ZNF148: variants seen among roughly 807,000 people sequenced by gnomAD.
ZNF148 encodes Beta-Enolase Repressor Factor-1.
Under a neutral mutation model 67.7 loss-of-function variants are expected in ZNF148, and 7 were observed. The observed-to-expected ratio is 0.10, with a 90% CI of 0.06 to 0.19. The LOEUF is 0.19. ZNF148 is among the 10% of genes least tolerant of loss of function. ZNF148 has a pLI of 1.00. For synonymous variants in ZNF148, 333 were observed against 330.7 expected (o/e 1.01, Z -0.08); for missense variants, 583 against 947.1 (o/e 0.62, Z 5.05).
At chr3:125,287,880 G>A (rs1938783128) in intron 5 of ZNF148, among the ~76,000 whole-genome samples, 2 of 152,062 alleles carry the variant, frequency 1.3e-5, no homozygotes, top group Admixed American at 1.3e-4. Flanking sequence ...ATAGAGATAT[G>A]GAAAAAGAAA....
Position 125,269,781 on chromosome 3 carries a change from G to A in ZNF148, c.667+7945C>T, listed in dbSNP as rs367623757. On this transcript the variant is annotated intron_variant, in intron 7 of 8. Transcript: ENST00000360647. ...ATGGAATACTACACAGCCACAAAAA[G>A]AGCAAAATCATGTCTTTTGCAGAAA... Among the ~76,000 whole-genome samples, 64 of 152,250 alleles carry A rather than the reference G, an allele frequency of 4.2e-4. No individual in the cohort carries two copies. The South Asian group carries it at 0.011, about 27-fold the overall frequency.
chr3:125,248,337 C>G lies in ZNF148; in HGVS notation c.668-14008G>C, dbSNP rs190619148. Among the ~76,000 whole-genome samples, 5 of 152,270 alleles carry G rather than the reference C, an allele frequency of 3.3e-5. No individual in the cohort carries two copies. The East Asian group carries it at 9.6e-4, about 29-fold the overall frequency. On this transcript the variant is annotated intron_variant, in intron 7 of 8. Coordinates refer to ENST00000360647, the MANE Select transcript of ZNF148 (RefSeq NM_021964.3). ...AAGCCCCCCAATTTCCAGCTACCTCCTGAAAACAAGTGCCCTATAATAAGA... is the reference window on the plus strand; with the variant it reads ...AAGCCCCCCAATTTCCAGCTACCTCGTGAAAACAAGTGCCCTATAATAAGA...
chr3:125,337,449 T>C (rs773634721), intron 1 of ZNF148, among the ~76,000 whole-genome samples: 1 of 152,188 alleles, frequency 6.6e-6, no homozygotes. Context: ...ATAATGTAAA[T>C]GAGTTTTTAA....
intron 7 of ZNF148, among the ~76,000 whole-genome samples, chr3:125,260,594 G>A (rs1937292546): frequency 6.6e-6 from 1 of 152,192 alleles, no homozygotes; most frequent in Non-Finnish European, 1.5e-5. Context: ...ATCAGTGTTT[G>A]TCATGGGGTG....
At position 125,226,815 on chromosome 3, in the gene ZNF148, T is replaced by C. The variant is rs1273938832; in HGVS notation, c.*5526A>G. 3 of 152,330 alleles carry C rather than the reference T, an allele frequency of 2.0e-5. No homozygotes were observed. In the East Asian group the frequency reaches 5.8e-4, roughly 29 times the overall value. The allele number at this position is 152,330 out of a possible 1,614,324, so 9.4% of individuals were successfully genotyped here. On this transcript the variant is annotated 3_prime_UTR_variant, in exon 9 of 9. Coordinates refer to ENST00000360647, the MANE Select transcript of ZNF148 (RefSeq NM_021964.3). ...AATATATCGACTTACCAAATTTCAA[T>C]TGTCAGGCTGCTGACTACTGATGTA...
intron 7 of ZNF148, among the ~76,000 whole-genome samples, chr3:125,238,327 T>C (rs1326873524): frequency 2.0e-5 from 3 of 151,990 alleles, no homozygotes; most frequent in Non-Finnish European, 4.4e-5. Context: ...AAGGACACTA[T>C]CAAAAAAATG....
At chr3:125,263,349 G>A (rs573846456) in intron 7 of ZNF148, among the ~76,000 whole-genome samples, 29 of 152,264 alleles carry the variant, frequency 1.9e-4, no homozygotes, top group Admixed American at 1.5e-3. Flanking sequence ...TGAGGAGTTC[G>A]AGACCAGCCT....
chr3:125,370,977 T>TAG (rs1438384055), intron 1 of ZNF148, among the ~76,000 whole-genome samples: 1 of 152,124 alleles, frequency 6.6e-6, no homozygotes, highest in Non-Finnish European at 1.5e-5. Context: ...ATCCTCCTCT[T>TAG]ACCACATTTC....
intron 7 of ZNF148, among the ~76,000 whole-genome samples, chr3:125,239,032 CTTATATGCG>C (rs1348498804): frequency 5.3e-5 from 8 of 152,126 alleles, no homozygotes. Context: ...AATGATTCTG[CTTATATGCG>C]GTATCTAGAA....
intron 5 of ZNF148, among the ~76,000 whole-genome samples, chr3:125,284,980 A>C (rs1424386188): frequency 6.6e-6 from 1 of 152,160 alleles, no homozygotes; most frequent in African/African-American, 2.4e-5. Flanking sequence ...ATTGCTTAAA[A>C]TCCATGGCAG....
In ZNF148 at chr3:125,232,140, G is replaced by A. The variant is rs568714439; in HGVS notation, c.*201C>T. On this transcript the variant is annotated 3_prime_UTR_variant, in exon 9 of 9. Coordinates refer to ENST00000360647, the MANE Select transcript of ZNF148 (RefSeq NM_021964.3). This position sits in a 1 kb window ranked among gnomAD's most constrained non-coding sequence, Gnocchi z 4.2. ...CAAGTAATGCATTGCTTCTATAAAG[G>A]TGACAACATGTAAGGCAGTTCAAAG... The A allele has an allele frequency of 1.8e-6, 1 of 543,932 alleles. No homozygotes were observed. The highest frequency in any genetic ancestry group is 3.0e-5 in the East Asian group (1 of 33,284). 33.7% of individuals were successfully genotyped at this position (543,932 alleles called of 1,614,324 possible).
chr3:125,296,002 C>T (rs916276659), intron 4 of ZNF148, among the ~76,000 whole-genome samples: 6 of 150,768 alleles, frequency 4.0e-5, no homozygotes, highest in South Asian at 4.2e-4. Flanking sequence ...AATATCTCTA[C>T]GTAGACATCT....
At chr3:125,347,448 A>C (rs959587527) in intron 1 of ZNF148, among the ~76,000 whole-genome samples, 27 of 152,382 alleles carry the variant, frequency 1.8e-4, no homozygotes, top group East Asian at 7.7e-4. Context: ...ACAAAGCTAC[A>C]GTAATCAAGA....
rs543036963 is a variant in ZNF148 at position 125,277,577 on chromosome 3, T to C, written c.667+149A>G. 225 of 624,950 alleles carry C rather than the reference T, an allele frequency of 3.6e-4. 1 individual carries two copies. The African/African-American group carries it at 3.8e-3, about 11-fold the overall frequency. The allele number at this position is 624,950 out of a possible 1,614,324, so 38.7% of individuals were successfully genotyped here. On this transcript the variant is annotated intron_variant, in intron 7 of 8. Transcript: ENST00000360647. ...TAAAGTTAAGTCTTAACAGTTAACA[T>C]TGATTTATTGAAGGGAGAAAAAAGA...
At chr3:125,288,035 T>C in intron 5 of ZNF148, 68 bp downstream of exon 5, 1 of 1,606,130 alleles carries the variant, frequency 6.2e-7, no homozygotes, top group Non-Finnish European at 8.5e-7. Flanking sequence ...AGCCAGGTTC[T>C]TGCCTATAGA....
chr3:125,307,090 T>C (rs1939920861), intron 4 of ZNF148, among the ~76,000 whole-genome samples: 1 of 150,982 alleles, frequency 6.6e-6, no homozygotes, highest in Non-Finnish European at 1.5e-5. Flanking sequence ...CTAATATCTC[T>C]CATAAACATA....
intron 4 of ZNF148, among the ~76,000 whole-genome samples, chr3:125,311,893 A>C (rs968198067): frequency 6.6e-6 from 1 of 152,198 alleles, no homozygotes. Flanking sequence ...AAACTCACAC[A>C]AGAAGAATCA....
At chr3:125,343,423 G>C (rs1039254400) in intron 1 of ZNF148, among the ~76,000 whole-genome samples, 2 of 151,140 alleles carry the variant, frequency 1.3e-5, no homozygotes, top group African/African-American at 4.9e-5. Flanking sequence ...GCACCAACCA[G>C]TGCTCTGTAG....
chr3:125,263,282 G>A (rs1214465784), intron 7 of ZNF148, among the ~76,000 whole-genome samples: 1 of 152,220 alleles, frequency 6.6e-6, no homozygotes, highest in East Asian at 1.9e-4. Context: ...TGGGCACGGT[G>A]GCCCACGCCT....
Sources: gnomAD v4.1 joint callset for allele counts (sites outside exome capture counted in the v4.1 genomes callset) on GRCh38, gnomAD v4.1.1 for gene constraint, Gnocchi (gnomAD v3.1) non-coding constraint, MANE v1.5 for transcripts, NCBI Gene and HGNC (gene_info 2026-07-23, HGNC 2026-07-21) for gene names.